The following FN1 variants were observed in gnomAD, a reference collection of about 807,000 sequenced individuals.
FN1 encodes fibronectin 1.
In FN1, 106 loss-of-function variants were observed where a neutral mutation model predicts 297.3. The observed-to-expected ratio is 0.36, with a 90% CI of 0.30 to 0.42. The LOEUF (loss-of-function observed/expected upper bound fraction) is 0.42, where lower values mean the gene tolerates loss of function less well. Ranked by LOEUF, FN1 falls within the 10% of genes least tolerant of loss-of-function variation. The probability of loss-of-function intolerance (pLI) is 1.00; values close to 1 mark genes in which losing one functional copy is unlikely to be tolerated. For missense variants in FN1, 2,690 were observed against 3,124.9 expected (o/e 0.86, Z 3.32); for synonymous variants, 1,149 against 1,152.6 (o/e 1.00, Z 0.06).
At chr2:215,364,546 A>G in intron 44 of FN1, 1 of 400,314 alleles carries the variant, frequency 2.5e-6, no homozygotes, top group Non-Finnish European at 4.7e-6. Flanking sequence ...TGTAAATAGT[A>G]TCTCTGACAT....
In FN1 at chr2:215,375,249, C is replaced by T. The variant is rs746145647; in HGVS notation, c.6122G>A (p.Arg2041Gln). ...AGCCTCTGTGACACCAGGGCGGGGC[C>T]GAGGGACCACTTCTCTGGGAGGAGA... ...PGSPPREVVP[R>Q]PRPGVTEATI... The change falls in exon 38 of 46, where the codon CGG becomes CAG. Residue 2041 changes from arginine (R) to glutamine (Q), a missense_variant. This residue lies in a region of FN1 where 1,743 missense variants were observed against 1,945.2 expected (regional missense o/e 0.90). Coordinates refer to ENST00000354785, the MANE Select transcript of FN1 (RefSeq NM_212482.4). 19 of 1,613,958 alleles carry T rather than the reference C, an allele frequency of 1.2e-5. No homozygotes were observed. In the East Asian group the frequency reaches 1.8e-4, roughly 15 times the overall value.
At chr2:215,390,596 C>T (rs2059604010) in intron 26 of FN1, among the ~76,000 whole-genome samples, 1 of 152,164 alleles carries the variant, frequency 6.6e-6, no homozygotes, top group Admixed American at 6.5e-5. Context: ...ACATGATTAG[C>T]ATGTGACAGG....
chr2:215,422,146 C>T lies in FN1; in HGVS notation c.1491G>A (p.Thr497=), dbSNP rs746335179. 82 of 1,614,062 alleles carry T rather than the reference C, an allele frequency of 5.1e-5. No homozygotes were observed. Among genetic ancestry groups the T allele is most frequent in the Admixed American group, 1.0e-4 (6 of 60,004 alleles). ...QHDMGHMMRC[T]CVGNGRGEWT... is the part of the protein sequence containing the mutation. ...ATTCCCCACGACCATTCCCAACACA[C>T]GTGCACCTCATCATGTGACCCATGT... is the stretch of plus-strand genomic sequence containing the variant. Residue 497 remains threonine, a synonymous_variant, in exon 10 of 46, where the codon ACG becomes ACA. Transcript: ENST00000354785.
intron 42 of FN1, among the ~76,000 whole-genome samples, chr2:215,366,401 G>T (rs908041009): frequency 2.6e-5 from 4 of 152,158 alleles, no homozygotes; most frequent in Non-Finnish European, 4.4e-5. Context: ...AGGATCAGCT[G>T]ATCTCTACAC....
chr2:215,407,653 C>T (rs1364993972), intron 17 of FN1, among the ~76,000 whole-genome samples: 1 of 152,150 alleles, frequency 6.6e-6, no homozygotes, highest in Non-Finnish European at 1.5e-5. Flanking sequence ...ACGAGGGAAG[C>T]AATTAATGAA....
At chr2:215,392,646 TTGAA>T (rs1395314089) in intron 25 of FN1, 4 of 438,594 alleles carry the variant, frequency 9.1e-6, no homozygotes, top group African/African-American at 2.0e-5. Context: ...GGTCTTCAAA[TTGAA>T]TGAACATTTG....
chr2:215,370,534 GGAAGA>G, intron 40 of FN1, 102 bp from the exon 41 acceptor site: 13 of 642,836 alleles, frequency 2.0e-5, no homozygotes, highest in Non-Finnish European at 2.3e-5. Context: ...ACAAAGCAAA[GGAAGA>G]CAAAAAACAA....
At chr2:215,383,529 A>G in intron 30 of FN1, 46 bp from the exon 31 acceptor site, 2 of 1,604,792 alleles carry the variant, frequency 1.2e-6, no homozygotes, top group Non-Finnish European at 1.7e-6. Context: ...CAGTCCTTGG[A>G]GACAAGATTG....
At position 215,435,952 on chromosome 2, in the gene FN1, C is replaced by G; in HGVS notation, c.-150G>C. 7.0e-7 allele frequency: 1 copy of G among 1,427,554 alleles called. No individual in the cohort carries two copies. Among genetic ancestry groups the G allele is most frequent in the Non-Finnish European group, 9.2e-7 (1 of 1,088,928 alleles). 88.4% of individuals were successfully genotyped at this position (1,427,554 alleles called of 1,614,324 possible). On this transcript the variant is annotated 5_prime_UTR_variant, in exon 1 of 46. Transcript: ENST00000354785. Reference sequence around the variant, plus strand: ...GGGGGCCAGAGGGTGGGGAAGGGGACGGGTGGAGGGACAGAAGGGATGCAG... The same window carrying G: ...GGGGGCCAGAGGGTGGGGAAGGGGAGGGGTGGAGGGACAGAAGGGATGCAG...
At chr2:215,426,234 T>C (rs1165803249) in intron 6 of FN1, among the ~76,000 whole-genome samples, 2 of 144,022 alleles carry the variant, frequency 1.4e-5, no homozygotes, top group Non-Finnish European at 3.0e-5. Flanking sequence ...CTGCAAGCTC[T>C]GCCTCCCGGG....
chr2:215,367,902 A>G lies in FN1; in HGVS notation c.6979T>C (p.Leu2327=). 5 of 1,614,150 alleles carry G rather than the reference A, an allele frequency of 3.1e-6. No individual in the cohort carries two copies. Among genetic ancestry groups the G allele is most frequent in the Non-Finnish European group, 4.2e-6 (5 of 1,179,986 alleles). ...ESGFKLLCQC[L]GFGSGHFRCD... The stretch of plus-strand genomic sequence containing the variant: ...CTGAAATGACCACTTCCAAAGCCTA[A>G]GCACTGGCACAACAGTTTAAAGCCT... The change falls in exon 42 of 46, where the codon TTA becomes CTA. Residue 2327 remains leucine (L), a synonymous_variant. Transcript: ENST00000354785.
At chr2:215,431,795 A>C in intron 4 of FN1, 38 bp downstream of exon 4, 1 of 1,612,172 alleles carries the variant, frequency 6.2e-7, no homozygotes. Flanking sequence ...ATTAGAACTA[A>C]GCATCCCAGC....
intron 20 of FN1, among the ~76,000 whole-genome samples, chr2:215,401,942 G>C (rs1210664216): frequency 6.6e-6 from 1 of 151,808 alleles, no homozygotes; most frequent in Non-Finnish European, 1.5e-5. Context: ...GTGTTTGGTG[G>C]GGGGTGGGGG....
At chr2:215,365,043 A>G in intron 43 of FN1, 58 bp from the exon 44 acceptor site, 1 of 1,109,494 alleles carries the variant, frequency 9.0e-7, no homozygotes, top group Non-Finnish European at 1.3e-6. Flanking sequence ...TGCAGACTTG[A>G]TCTAGGGGTG....
At chr2:215,397,275 T>C in intron 22 of FN1, 52 bp from the exon 23 acceptor site, 1 of 1,309,600 alleles carries the variant, frequency 7.6e-7, no homozygotes, top group East Asian at 2.3e-5. Context: ...GCTCTTGACC[T>C]GTGTAATCTT....
At chr2:215,377,079 A>AGT (rs1472198272) in intron 35 of FN1, among the ~76,000 whole-genome samples, 1 of 75,150 alleles carries the variant, frequency 1.3e-5, no homozygotes, top group Non-Finnish European at 3.4e-5. Flanking sequence ...AGAGAGAGAG[A>AGT]GAGTGTGTGT....
intron 5 of FN1, among the ~76,000 whole-genome samples, chr2:215,428,920 C>G (rs1028440999): frequency 6.6e-6 from 1 of 151,984 alleles, no homozygotes; most frequent in Non-Finnish European, 1.5e-5. Flanking sequence ...GAAGCTGAGG[C>G]AAGAGAATCG....
In FN1 at chr2:215,409,566, G is replaced by T. The variant is rs758490425; in HGVS notation, c.2296C>A (p.Leu766Met). Residue 766 changes from leucine (L) to methionine (M), a missense_variant, in exon 15 of 46, where the codon CTG becomes ATG. By Grantham distance (15) the Leu-to-Met change is conservative (BLOSUM62 2). Coordinates refer to ENST00000354785, the MANE Select transcript of FN1 (RefSeq NM_212482.4). ...TTGAGCGACATATTGAGCTTACCCAGGTACTGTGGCTCATCTCCCTCCTCA... is the reference window on the plus strand; with the variant it reads ...TTGAGCGACATATTGAGCTTACCCATGTACTGTGGCTCATCTCCCTCCTCA... The part of the protein sequence containing the change: ...LSEEGDEPQY[L>M]DLPSTATSVN... 5 of 1,613,154 alleles carry T rather than the reference G, an allele frequency of 3.1e-6. No individual in the cohort carries two copies. The South Asian group carries it at 5.5e-5, about 18-fold the overall frequency.
At position 215,386,922 on chromosome 2, in the gene FN1, A is replaced by G. The variant is rs535238965; in HGVS notation, c.4379T>C (p.Ile1460Thr). 3.7e-6 allele frequency: 6 copies of G among 1,613,086 alleles called. No homozygotes were observed. The highest frequency in any genetic ancestry group is 4.2e-6 in the Non-Finnish European group (5 of 1,179,704). Residue 1460 changes from isoleucine to threonine, a missense_variant, in exon 28 of 46, where the codon ATT (isoleucine) becomes ACT (threonine). Physicochemically the swap from Ile to Thr is moderately conservative, Grantham distance 89 (BLOSUM62 -1). Coordinates refer to ENST00000354785, the MANE Select transcript of FN1 (RefSeq NM_212482.4). Reference protein sequence around the residue: ...DSPTGIDFSDITANSFTVHWI... With the variant: ...DSPTGIDFSDTTANSFTVHWI... ...GTGCACAGTAAAAGAGTTGGCAGTA[A>G]TATCAGAAAAGTCAATGCCAGTTGG...
Sources: gnomAD v4.1 joint callset for allele counts (sites outside exome capture counted in the v4.1 genomes callset) on GRCh38, gnomAD v4.1.1 for gene constraint, gnomAD v4.1.1 regional missense constraint, MANE v1.5 for transcripts, NCBI Gene and HGNC (gene_info 2026-07-23, HGNC 2026-07-21) for gene names.